YIPF4: variants seen among roughly 807,000 people sequenced by gnomAD.
The protein encoded by YIPF4 is protein YIPF4.
In YIPF4, 18 loss-of-function variants were observed where a neutral mutation model predicts 29.4. The observed-to-expected ratio is 0.61, with a 90% CI of 0.42 to 0.91. The LOEUF is 0.91. YIPF4 is among the 40% of genes least tolerant of loss of function. The pLI is 0.00. For missense variants in YIPF4, 279 were observed against 282.7 expected (o/e 0.99, Z 0.09); for synonymous variants, 115 against 104.7 (o/e 1.10, Z -0.60).
chr2:32,296,003 C>T (rs2148964354), intron 3 of YIPF4, among the ~76,000 whole-genome samples: 1 of 152,280 alleles, frequency 6.6e-6, no homozygotes, highest in Middle Eastern at 3.4e-3. Flanking sequence ...CATTACTATA[C>T]TAGTCCTATT....
At chr2:32,280,135 A>ATT (rs1353044337) in intron 1 of YIPF4, among the ~76,000 whole-genome samples, 327 of 141,618 alleles carry the variant, frequency 2.3e-3, no homozygotes, top group African/African-American at 7.1e-3. Context: ...ATATATATAT[A>ATT]TTTTTTTTTT....
rs2031653753 is a variant in YIPF4, at chr2:32,308,884, A to C, written c.*3258A>C. 6.6e-6 allele frequency: 1 copy of C among 151,340 alleles called. No homozygotes were observed. Among genetic ancestry groups the C allele is most frequent in the Non-Finnish European group, 1.5e-5 (1 of 67,960 alleles). 9.4% of individuals were successfully genotyped at this position (151,340 alleles called of 1,614,324 possible). A position where few individuals can be genotyped will look rare whatever the true frequency, so the allele number is the denominator to read the frequency against. ...GTCTCTACTAAAAATACAATAAATTAGCCGGGCATGGTGGCGGGCGCCTGT... is the reference window on the plus strand; with the variant it reads ...GTCTCTACTAAAAATACAATAAATTCGCCGGGCATGGTGGCGGGCGCCTGT... On this transcript the variant is annotated 3_prime_UTR_variant, in exon 6 of 6. Transcript: ENST00000238831.
intron 4 of YIPF4, among the ~76,000 whole-genome samples, chr2:32,300,967 C>T (rs2031384223): frequency 6.6e-6 from 1 of 152,210 alleles, no homozygotes; most frequent in South Asian, 2.1e-4. Context: ...GCTACCTTCC[C>T]TTTCCTTCTG....
At chr2:32,295,208 A>T (rs1428692177) in intron 3 of YIPF4, among the ~76,000 whole-genome samples, 1 of 152,168 alleles carries the variant, frequency 6.6e-6, no homozygotes, top group Non-Finnish European at 1.5e-5. Context: ...TCCTACTTTC[A>T]GATACTTTAT....
chr2:32,294,395 C>T (rs1438167327), intron 3 of YIPF4, among the ~76,000 whole-genome samples: 6 of 151,668 alleles, frequency 4.0e-5, no homozygotes, highest in East Asian at 2.0e-4. Context: ...GACGTGGTCG[C>T]GGCCGAGCAG....
At chr2:32,300,982 G>GC (rs2031384938) in intron 4 of YIPF4, among the ~76,000 whole-genome samples, 1 of 152,086 alleles carries the variant, frequency 6.6e-6, no homozygotes, top group African/African-American at 2.4e-5. Flanking sequence ...CTTCTGGTCG[G>GC]CATTGGTAAC....
intron 5 of YIPF4, among the ~76,000 whole-genome samples, chr2:32,304,279 T>G (rs2031501296): frequency 1.3e-5 from 2 of 152,242 alleles, no homozygotes; most frequent in South Asian, 4.1e-4. Context: ...TAACATTAAA[T>G]CTCTGTAATA....
rs1462238714 is a variant in YIPF4, at chr2:32,310,414, T to C, written c.*4788T>C. ...CCTCATTTGTGTACAGCTGTTCCTCTATATACGAAGGGGATTGGTACCAGA... is the reference window on the plus strand; with the variant it reads ...CCTCATTTGTGTACAGCTGTTCCTCCATATACGAAGGGGATTGGTACCAGA... On this transcript the variant is annotated 3_prime_UTR_variant, in exon 6 of 6. Coordinates refer to ENST00000238831, the MANE Select transcript of YIPF4 (RefSeq NM_032312.4). The C allele has an allele frequency of 6.6e-6, 1 of 152,174 alleles. No homozygotes were observed. The highest frequency in any genetic ancestry group is 1.5e-5 in the Non-Finnish European group (1 of 68,030). 9.4% of individuals were successfully genotyped at this position (152,174 alleles called of 1,614,324 possible). A position where few individuals can be genotyped will look rare whatever the true frequency, so the allele number is the denominator to read the frequency against.
chr2:32,286,630 C>G (rs2030683220), intron 1 of YIPF4, among the ~76,000 whole-genome samples: 1 of 152,036 alleles, frequency 6.6e-6, no homozygotes, highest in Non-Finnish European at 1.5e-5. Context: ...AGTGCAACCT[C>G]CACCTCCCGG....
In YIPF4 at chr2:32,278,108, G is replaced by T. The variant is rs1474246139; in HGVS notation, c.-48G>T. On this transcript the variant is annotated 5_prime_UTR_variant, in exon 1 of 6. Coordinates refer to ENST00000238831, the MANE Select transcript of YIPF4 (RefSeq NM_032312.4). ...CCGCCGCGGCCGCCTCGGGGTCTGGGCCCAGCCGCAGCCTCTTCTACCGCG... is the reference window on the plus strand; with the variant it reads ...CCGCCGCGGCCGCCTCGGGGTCTGGTCCCAGCCGCAGCCTCTTCTACCGCG... The T allele has an allele frequency of 6.6e-7, 1 of 1,520,696 alleles. No individual in the cohort carries two copies. Among genetic ancestry groups the T allele is most frequent in the Non-Finnish European group, 8.9e-7 (1 of 1,128,564 alleles). The allele number at this position is 1,520,696 out of a possible 1,614,324, so 94.2% of individuals were successfully genotyped here. A position where few individuals can be genotyped will look rare whatever the true frequency, so the allele number is the denominator to read the frequency against.
intron 1 of YIPF4, among the ~76,000 whole-genome samples, chr2:32,290,254 TGAA>T (rs2030851338): frequency 6.6e-6 from 1 of 152,224 alleles, no homozygotes; most frequent in South Asian, 2.1e-4. Flanking sequence ...TAATTAGCTG[TGAA>T]ACCTTTTGTA....
chr2:32,300,760 A>G (rs1402308407), intron 4 of YIPF4, among the ~76,000 whole-genome samples: 1 of 152,208 alleles, frequency 6.6e-6, no homozygotes, highest in Admixed American at 6.6e-5. Flanking sequence ...TAATTTGAAC[A>G]CTGACACCTT....
intron 1 of YIPF4, among the ~76,000 whole-genome samples, chr2:32,287,053 T>G (rs1440194791): frequency 6.6e-6 from 1 of 152,066 alleles, no homozygotes; most frequent in African/African-American, 2.4e-5. Flanking sequence ...AGGACCAGAC[T>G]GGCCAACATG....
chr2:32,300,300 G>A (rs2031353646), intron 4 of YIPF4, among the ~76,000 whole-genome samples: 1 of 151,804 alleles, frequency 6.6e-6, no homozygotes, highest in South Asian at 2.1e-4. Context: ...CGGGCATGGA[G>A]GCACGCGCCT....
intron 4 of YIPF4, among the ~76,000 whole-genome samples, chr2:32,299,505 T>G (rs1450171107): frequency 6.6e-6 from 1 of 152,184 alleles, no homozygotes; most frequent in Non-Finnish European, 1.5e-5. Context: ...CAGATGATGG[T>G]GAATATTCTC....
intron 1 of YIPF4, among the ~76,000 whole-genome samples, chr2:32,279,933 G>A (rs542120624): frequency 7.1e-6 from 1 of 139,888 alleles, no homozygotes; most frequent in African/African-American, 2.7e-5. Context: ...GGTCTCACTC[G>A]GTTGCCAGGC....
intron 5 of YIPF4, among the ~76,000 whole-genome samples, chr2:32,303,403 G>T (rs887615366): frequency 2.6e-5 from 4 of 152,178 alleles, no homozygotes; most frequent in African/African-American, 9.7e-5. Context: ...TCAAGCTGTT[G>T]TTATTACAAA....
chr2:32,290,352 G>C (rs2030857083), intron 1 of YIPF4, 131 bp from the exon 2 acceptor site: 2 of 538,428 alleles, frequency 3.7e-6, no homozygotes, highest in African/African-American at 3.9e-5. Flanking sequence ...AAAATTTGAA[G>C]ATTATATGCA....
At chr2:32,289,620 T>C (rs760801627) in intron 1 of YIPF4, among the ~76,000 whole-genome samples, 3 of 152,182 alleles carry the variant, frequency 2.0e-5, no homozygotes, top group Non-Finnish European at 4.4e-5. Context: ...TTTTAATCCC[T>C]ATGTGACCTC....
Sources: gnomAD v4.1 joint callset for allele counts (sites outside exome capture counted in the v4.1 genomes callset) on GRCh38, gnomAD v4.1.1 for gene constraint, MANE v1.5 for transcripts, NCBI Gene and HGNC (gene_info 2026-07-23, HGNC 2026-07-21) for gene names.